Variants in SPSB4 observed in about 807,000 individuals in gnomAD.
SPSB4 encodes SPRY domain-containing SOCS box protein 4.
A neutral mutation model predicts 20.9 loss-of-function variants in SPSB4; 21 were observed. That is an observed-to-expected ratio of 1.01 (90% confidence interval 0.71 to 1.45). The LOEUF is 1.45. SPSB4 is among the 40% of genes most tolerant of loss of function. SPSB4 has a pLI of 0.00. For synonymous variants in SPSB4, 207 were observed against 183.8 expected (o/e 1.13, Z -1.02); for missense variants, 399 against 399.2 (o/e 1.00, Z 0.00).
chr3:141,080,082 G>C (rs913404146), intron 2 of SPSB4, among the ~76,000 whole-genome samples: 3 of 152,092 alleles, frequency 2.0e-5, no homozygotes, highest in Admixed American at 2.0e-4. Context: ...TTTTCCACTG[G>C]GACAGGTCTC....
In SPSB4 at chr3:141,065,969, G is replaced by A; in HGVS notation, c.-136G>A. 3.8e-6 allele frequency: 3 copies of A among 789,018 alleles called. No homozygotes were observed. The highest frequency in any genetic ancestry group is 3.3e-5 in the East Asian group (1 of 30,600). 48.9% of individuals were successfully genotyped at this position (789,018 alleles called of 1,614,324 possible). A position where few individuals can be genotyped will look rare whatever the true frequency, so the allele number is the denominator to read the frequency against. ...CCTTCCAGGAGCTTGGGCCCCTGCC[G>A]CAGCCCGGTAGAGGCTGTGGAGGTC... is the stretch of plus-strand genomic sequence containing the variant. On this transcript the variant is annotated 5_prime_UTR_variant, in exon 2 of 3. Transcript: ENST00000310546.
intron 2 of SPSB4, among the ~76,000 whole-genome samples, chr3:141,095,480 G>A (rs1938533268): frequency 6.6e-6 from 1 of 152,056 alleles, no homozygotes; most frequent in South Asian, 2.1e-4. Context: ...AGACTTTGCT[G>A]GGACTTGGTG....
intron 2 of SPSB4, chr3:141,117,279 G>A (rs1228064777): frequency 2.6e-5 from 4 of 152,204 alleles, no homozygotes; most frequent in African/African-American, 9.7e-5. Flanking sequence ...AGAGGAAGCA[G>A]CCTGCCCTGT....
intron 2 of SPSB4, among the ~76,000 whole-genome samples, chr3:141,118,163 C>T (rs1467664977): frequency 2.0e-5 from 3 of 152,222 alleles, no homozygotes; most frequent in South Asian, 4.1e-4. Context: ...TCTCCAGCAC[C>T]TGTCTTTTTA....
At chr3:141,114,488 G>A (rs543219614) in intron 2 of SPSB4, among the ~76,000 whole-genome samples, 2 of 152,196 alleles carry the variant, frequency 1.3e-5, no homozygotes, top group African/African-American at 4.8e-5. Flanking sequence ...TCAGCACTTG[G>A]TTTTCCTCAC....
intron 2 of SPSB4, 84 bp from the exon 3 acceptor site, chr3:141,147,058 A>G: frequency 6.4e-7 from 1 of 1,574,132 alleles, no homozygotes; most frequent in Non-Finnish European, 8.7e-7. Context: ...AGGAGCAGGC[A>G]GGAGGCGGTA....
chr3:141,114,744 CA>C (rs1206590126), intron 2 of SPSB4, among the ~76,000 whole-genome samples: 1 of 152,060 alleles, frequency 6.6e-6, no homozygotes, highest in African/African-American at 2.4e-5. Flanking sequence ...TTTCCCAATT[CA>C]AAAAAAGTTC....
At chr3:141,140,737 C>T (rs1428647836) in intron 2 of SPSB4, among the ~76,000 whole-genome samples, 1 of 152,164 alleles carries the variant, frequency 6.6e-6, no homozygotes, top group Non-Finnish European at 1.5e-5. Context: ...GTCAGTCTGC[C>T]CCTATTGGGG....
rs142830384 is a variant in SPSB4 at position 141,060,569 on chromosome 3, T to A, written c.-153-5383T>A. On this transcript the variant is annotated intron_variant, in intron 1 of 2. Coordinates refer to ENST00000310546, the MANE Select transcript of SPSB4 (RefSeq NM_080862.3). ...TATTGCAAAGAGTGCTGCGTATGTA[T>A]GCAGTATGTATGCATGTGCTGTGTA... is the stretch of plus-strand genomic sequence containing the variant. 4.0e-3 allele frequency among the ~76,000 whole-genome samples: 603 copies of A among 152,384 alleles called. 7 individuals carry two copies. The highest frequency in any genetic ancestry group is 0.014 in the African/African-American group (576 of 41,604).
chr3:141,122,118 T>A (rs1307312468), intron 2 of SPSB4, among the ~76,000 whole-genome samples: 1 of 152,222 alleles, frequency 6.6e-6, no homozygotes, highest in Non-Finnish European at 1.5e-5. Context: ...GTGCTTTTTG[T>A]TGATATTGAT....
chr3:141,108,408 C>T (rs1938734885), intron 2 of SPSB4, among the ~76,000 whole-genome samples: 1 of 152,198 alleles, frequency 6.6e-6, no homozygotes, highest in African/African-American at 2.4e-5. Context: ...TTTGCTCAAA[C>T]TAATGTTAAA....
intron 2 of SPSB4, among the ~76,000 whole-genome samples, chr3:141,071,693 C>T (rs9823283): frequency 0.2 from 30,510 of 152,070 alleles, 3,517 homozygotes; most frequent in East Asian, 0.31. Flanking sequence ...CCTGACCCCA[C>T]AGAACGGGCG....
At chr3:141,131,914 C>T (rs1939137422) in intron 2 of SPSB4, among the ~76,000 whole-genome samples, 1 of 152,200 alleles carries the variant, frequency 6.6e-6, no homozygotes, top group Admixed American at 6.5e-5. Context: ...CACGTTGCCA[C>T]TAAAAGCATT....
intron 2 of SPSB4, among the ~76,000 whole-genome samples, chr3:141,131,954 T>C (rs1939138358): frequency 6.6e-6 from 1 of 152,354 alleles, no homozygotes; most frequent in African/African-American, 2.4e-5. Context: ...TACATCCTCA[T>C]CAGCACTTAA....
At chr3:141,092,459 G>A (rs72981972) in intron 2 of SPSB4, among the ~76,000 whole-genome samples, 14,049 of 152,184 alleles carry the variant, frequency 0.092, 1,222 homozygotes, top group African/African-American at 0.23. Flanking sequence ...CATTAGAGCC[G>A]ACTACACATA....
chr3:141,113,119 T>C (rs1208774999), intron 2 of SPSB4, among the ~76,000 whole-genome samples: 1 of 152,084 alleles, frequency 6.6e-6, no homozygotes, highest in Non-Finnish European at 1.5e-5. Flanking sequence ...CTAGGATGGT[T>C]ATAATTAAAA....
chr3:141,098,025 T>A (rs2107794347), intron 2 of SPSB4, among the ~76,000 whole-genome samples: 1 of 152,306 alleles, frequency 6.6e-6, no homozygotes, highest in South Asian at 2.1e-4. Context: ...GGAGGACAGC[T>A]CAGGCCTGTC....
intron 2 of SPSB4, chr3:141,132,224 G>C (rs750046391): frequency 2.3e-6 from 1 of 429,110 alleles, no homozygotes; most frequent in South Asian, 1.6e-5. Context: ...CCAAAGTGCA[G>C]TGGCACGATC....
intron 2 of SPSB4, among the ~76,000 whole-genome samples, chr3:141,113,770 G>T (rs981579703): frequency 6.6e-6 from 1 of 152,216 alleles, no homozygotes; most frequent in Non-Finnish European, 1.5e-5. Flanking sequence ...CACTGTGAAT[G>T]TATTAAATGC....
Sources: gnomAD v4.1 joint callset for allele counts (sites outside exome capture counted in the v4.1 genomes callset) on GRCh38, gnomAD v4.1.1 for gene constraint, MANE v1.5 for transcripts, NCBI Gene and HGNC (gene_info 2026-07-23, HGNC 2026-07-21) for gene names.